The following TACC2 variants were observed in gnomAD, a reference collection of about 807,000 sequenced individuals.
TACC2 encodes transforming acidic coiled-coil-containing protein 2.
Under a neutral mutation model 227.3 loss-of-function variants are expected in TACC2, and 137 were observed. That is an observed-to-expected ratio of 0.60 (90% CI 0.52 to 0.69). The LOEUF (loss-of-function observed/expected upper bound fraction) is 0.69. TACC2 is among the 30% of genes least tolerant of loss of function. The pLI is 0.00. For missense variants in TACC2, 3,470 were observed against 3,694.4 expected, an observed-to-expected ratio of 0.94 and a Z score of 1.57; for synonymous variants, 1,523 against 1,487.5, an observed-to-expected ratio of 1.02 and a Z score of -0.55.
intron 1 of TACC2, chr10:122,019,621 C>T (rs1319819446): frequency 6.6e-6 from 1 of 152,264 alleles, no homozygotes; most frequent in African/African-American, 2.4e-5. Context: ...GTGTGAAAGG[C>T]CCTGAAACTG....
intron 22 of TACC2, among the ~76,000 whole-genome samples, chr10:122,252,593 C>T (rs752674330): frequency 6.6e-6 from 1 of 151,672 alleles, no homozygotes. Context: ...CAGGTTCAAG[C>T]GATTCTCCTG....
At position 122,083,385 on chromosome 10, in the gene TACC2, G is replaced by C. The variant is rs781422767; in HGVS notation, c.885G>C (p.Ala295=). ...ASDRERGQGE[A]PPQYLTDDLE... ...ACAGAGAAAGAGGCCAAGGGGAGGC[G>C]CCGCCTCAGTATTTAACAGATGACT... is the stretch of plus-strand genomic sequence containing the variant. Residue 295 remains alanine, a synonymous_variant, in exon 4 of 23, where the codon GCG becomes GCC. Coordinates refer to ENST00000369005, the MANE Select transcript of TACC2 (RefSeq NM_206862.4). 6.2e-7 allele frequency: 1 copy of C among 1,613,786 alleles called. No homozygotes were observed. Among genetic ancestry groups the C allele is most frequent in the African/African-American group, 1.3e-5 (1 of 74,938 alleles).
intron 3 of TACC2, among the ~76,000 whole-genome samples, chr10:122,068,208 A>G (rs1412142162): frequency 6.6e-6 from 1 of 152,174 alleles, no homozygotes; most frequent in Admixed American, 6.6e-5. Context: ...TGTGCTTGAC[A>G]TACTCGGTCT....
intron 1 of TACC2, among the ~76,000 whole-genome samples, chr10:122,011,722 G>T (rs1433140829): frequency 6.6e-6 from 1 of 152,200 alleles, no homozygotes; most frequent in African/African-American, 2.4e-5. Flanking sequence ...GTTGTTGGTG[G>T]TGGTGGTGAT....
chr10:122,228,173 T>G (rs2141380531), intron 14 of TACC2, among the ~76,000 whole-genome samples, 165 bp downstream of exon 14: 1 of 152,298 alleles, frequency 6.6e-6, no homozygotes, highest in East Asian at 1.9e-4. Flanking sequence ...TCCCATACCA[T>G]GAGGATGAGG....
In TACC2 at chr10:122,083,007, C is replaced by A. The variant is rs146425124; in HGVS notation, c.507C>A (p.Ala169=). 14 of 1,612,640 alleles carry A rather than the reference C, an allele frequency of 8.7e-6. No homozygotes were observed. Among genetic ancestry groups the A allele is most frequent in the Non-Finnish European group, 1.2e-5 (14 of 1,180,016 alleles). ...DSSTPYQEIA[A]VPSAGRERQP... is the part of the protein sequence containing the mutation. ...CTACTCCATACCAAGAGATTGCTGC[C>A]GTCCCCAGTGCTGGAAGAGAGAGAC... Residue 169 remains alanine (A), a synonymous_variant, in exon 4 of 23, where the codon GCC becomes GCA. Coordinates refer to ENST00000369005, the MANE Select transcript of TACC2 (RefSeq NM_206862.4).
At chr10:122,250,761 G>A (rs1004392916) in intron 22 of TACC2, among the ~76,000 whole-genome samples, 1 of 152,086 alleles carries the variant, frequency 6.6e-6, no homozygotes, top group Non-Finnish European at 1.5e-5. Flanking sequence ...GTTCCATCTA[G>A]CCCTGAAAAT....
At position 122,237,832 on chromosome 10, in the gene TACC2, A is replaced by G. The variant is rs538906763; in HGVS notation, c.8272-129A>G. On this transcript the variant is annotated intron_variant, in intron 17 of 22. Transcript: ENST00000369005. ...ATGCTCGGGGAAGTTCTCTGAATGT[A>G]ATTATGGTTTGTTGTAGGAAGTTTT... The G allele has an allele frequency of 8.0e-6, 6 of 752,404 alleles. No individual in the cohort carries two copies. In the African/African-American group the frequency reaches 1.1e-4, roughly 13 times the overall value. The allele number at this position is 752,404 out of a possible 1,614,324, so 46.6% of individuals were successfully genotyped here. A position where few individuals can be genotyped will look rare whatever the true frequency, so the allele number is the denominator to read the frequency against.
rs548535924 is a variant in TACC2, at chr10:122,227,344, G to T, written c.7725-493G>T. ...TGCCCCTTTAAGCAGGAGTAAAAGT[G>T]CTTGCATTGACTTCTCAGACTTACA... is the stretch of plus-strand genomic sequence containing the variant. On this transcript the variant is annotated intron_variant, in intron 13 of 22. Coordinates refer to ENST00000369005, the MANE Select transcript of TACC2 (RefSeq NM_206862.4). Among the ~76,000 whole-genome samples the T allele has an allele frequency of 2.0e-5, 3 of 152,332 alleles. No individual in the cohort carries two copies. The South Asian group carries it at 6.2e-4, about 32-fold the overall frequency.
intron 4 of TACC2, 128 bp downstream of exon 4, chr10:122,088,087 C>T: frequency 1.0e-6 from 1 of 994,774 alleles, no homozygotes; most frequent in Non-Finnish European, 1.4e-6. Flanking sequence ...TATCTAATTG[C>T]TAAATGAACC....
intron 2 of TACC2, among the ~76,000 whole-genome samples, chr10:122,025,026 C>T (rs1472860937): frequency 6.6e-6 from 1 of 152,184 alleles, no homozygotes; most frequent in East Asian, 1.9e-4. Context: ...TTCATTCCCA[C>T]CAGCAACGTA....
chr10:122,163,440 C>T, intron 7 of TACC2: 1 of 455,898 alleles, frequency 2.2e-6, no homozygotes, highest in Non-Finnish European at 2.9e-6. Flanking sequence ...GCGGTCCCGG[C>T]GAGGCGGGAG....
chr10:122,237,058 T>C (rs2095870567), intron 16 of TACC2, among the ~76,000 whole-genome samples: 1 of 152,222 alleles, frequency 6.6e-6, no homozygotes, highest in Non-Finnish European at 1.5e-5. Context: ...TGCTGAATAG[T>C]GCCCTGGGTT....
chr10:122,021,706 G>T (rs1220580693), intron 1 of TACC2, among the ~76,000 whole-genome samples: 3 of 152,134 alleles, frequency 2.0e-5, no homozygotes, highest in African/African-American at 4.8e-5. Flanking sequence ...CCGTTTTTCA[G>T]AAGTGTCTGC....
intron 11 of TACC2, among the ~76,000 whole-genome samples, chr10:122,221,121 C>A (rs2095515903): frequency 6.6e-6 from 1 of 152,176 alleles, no homozygotes; most frequent in Admixed American, 6.5e-5. Flanking sequence ...TAGAAAGATG[C>A]CCAGGGGATT....
chr10:122,114,067 C>T (rs1340861365), intron 5 of TACC2, among the ~76,000 whole-genome samples: 1 of 152,106 alleles, frequency 6.6e-6, no homozygotes, highest in African/African-American at 2.4e-5. Flanking sequence ...AATGTGATAG[C>T]GGGTTGAAAT....
intron 2 of TACC2, among the ~76,000 whole-genome samples, chr10:122,044,232 T>G (rs560560284): frequency 8.5e-5 from 13 of 152,336 alleles, no homozygotes; most frequent in Admixed American, 6.5e-4. Context: ...GCTGGCAGCC[T>G]TTCGCTTGTT....
chr10:122,029,606 T>G (rs1958671856), intron 2 of TACC2, among the ~76,000 whole-genome samples: 1 of 152,190 alleles, frequency 6.6e-6, no homozygotes, highest in African/African-American at 2.4e-5. Flanking sequence ...TCAATTATTT[T>G]TAAGCACTCT....
At chr10:122,186,638 G>A (rs2094204247) in intron 7 of TACC2, among the ~76,000 whole-genome samples, 1 of 152,096 alleles carries the variant, frequency 6.6e-6, no homozygotes, top group African/African-American at 2.4e-5. Context: ...TCAGCCTCCT[G>A]AGTAGCTGGA....
Sources: gnomAD v4.1 joint callset for allele counts (sites outside exome capture counted in the v4.1 genomes callset) on GRCh38, gnomAD v4.1.1 for gene constraint, MANE v1.5 for transcripts, NCBI Gene and HGNC (gene_info 2026-07-23, HGNC 2026-07-21) for gene names.